Variants in SAMD12 observed in about 807,000 individuals in gnomAD.
The protein encoded by SAMD12 is sterile alpha motif domain-containing protein 12.
In SAMD12, 9 loss-of-function variants were observed where a neutral mutation model predicts 15.0. The ratio of observed to expected loss-of-function variants is 0.60; its 90% confidence interval spans 0.36 to 1.05. The LOEUF (loss-of-function observed/expected upper bound fraction) is 1.05. Ranked by LOEUF, SAMD12 falls within the 50% of genes least tolerant of loss-of-function variation. SAMD12 has a pLI of 0.01. For missense variants in SAMD12, 230 were observed against 234.2 expected (o/e 0.98, Z 0.12); for synonymous variants, 86 against 90.1 (o/e 0.96, Z 0.25).
At chr8:118,446,311 C>A (rs892448636) in intron 2 of SAMD12, among the ~76,000 whole-genome samples, 4 of 151,538 alleles carry the variant, frequency 2.6e-5, no homozygotes, top group African/African-American at 9.7e-5. Flanking sequence ...AATGCTGTGA[C>A]CACAGACTCC....
chr8:118,546,095 T>C (rs1826115914), intron 2 of SAMD12, among the ~76,000 whole-genome samples: 1 of 152,188 alleles, frequency 6.6e-6, no homozygotes, highest in Admixed American at 6.5e-5. Context: ...CCATCATTCC[T>C]GCCTTCACAC....
chr8:118,553,257 C>A (rs1282592246), intron 2 of SAMD12, among the ~76,000 whole-genome samples: 1 of 152,168 alleles, frequency 6.6e-6, no homozygotes, highest in African/African-American at 2.4e-5. Context: ...AAGCTGGAGG[C>A]ATCACGCTAC....
the SAMD12 span, among the ~76,000 whole-genome samples, chr8:118,150,179 G>A: frequency 6.6e-6 from 1 of 152,176 alleles, no homozygotes. Context: ...AGTTCCAAAT[G>A]TCAATAATGC....
intron 2 of SAMD12, among the ~76,000 whole-genome samples, chr8:118,547,128 T>C (rs1826153240): frequency 1.3e-5 from 2 of 152,264 alleles, no homozygotes; most frequent in South Asian, 4.1e-4. Flanking sequence ...ATCTAACCTG[T>C]GAATACTGAA....
rs181971212 is a variant in SAMD12, at chr8:118,425,343, A to G, written c.322+14489T>C. ...TGCTTTCCAAAAACATGCAAAACCA[A>G]AAAATAAACTGACAGAGTAATTAAC... On this transcript the variant is annotated intron_variant, in intron 3 of 3. Coordinates refer to ENST00000314727, the MANE Select transcript of SAMD12 (RefSeq NM_207506.3). Among the ~76,000 whole-genome samples the G allele has an allele frequency of 8.2e-4, 125 of 152,316 alleles. 1 individual carries two copies. The highest frequency in any genetic ancestry group is 1.4e-3 in the Non-Finnish European group (97 of 68,038).
At chr8:118,481,697 A>G (rs139245728) in intron 2 of SAMD12, among the ~76,000 whole-genome samples, 12 of 152,246 alleles carry the variant, frequency 7.9e-5, no homozygotes, top group Admixed American at 2.0e-4. Flanking sequence ...CCATCCTTCA[A>G]TGATCTTATA....
intron 4 of SAMD12, among the ~76,000 whole-genome samples, chr8:118,277,089 A>C (rs1292640669): frequency 6.6e-6 from 1 of 152,112 alleles, no homozygotes; most frequent in Admixed American, 6.6e-5. Context: ...ACAAACAAGC[A>C]GTCTGTGTTT....
intron 2 of SAMD12, among the ~76,000 whole-genome samples, chr8:118,474,434 G>A (rs1823896917): frequency 6.6e-6 from 1 of 151,850 alleles, no homozygotes; most frequent in Admixed American, 6.6e-5. Flanking sequence ...AGGCTGGAGT[G>A]CAATGGTGCG....
chr8:118,616,908 A>G (rs1338317489), intron 1 of SAMD12, among the ~76,000 whole-genome samples: 1 of 152,240 alleles, frequency 6.6e-6, no homozygotes, highest in Non-Finnish European at 1.5e-5. Flanking sequence ...TGAGAGATCT[A>G]GGTTGCACAT....
chr8:118,438,388 T>A (rs889448501), intron 3 of SAMD12, among the ~76,000 whole-genome samples: 14 of 149,566 alleles, frequency 9.4e-5, no homozygotes, highest in South Asian at 2.1e-4. Flanking sequence ...GCATTTTTTT[T>A]AAAACATTTA....
chr8:118,620,645 A>T (rs1333478626), intron 1 of SAMD12, among the ~76,000 whole-genome samples: 7 of 152,170 alleles, frequency 4.6e-5, no homozygotes, highest in Non-Finnish European at 1.0e-4. Flanking sequence ...TTGTTAAGAC[A>T]GTCGTTATAA....
At chr8:118,551,317 A>G (rs1359245485) in intron 2 of SAMD12, among the ~76,000 whole-genome samples, 1 of 152,328 alleles carries the variant, frequency 6.6e-6, no homozygotes, top group East Asian at 1.9e-4. Flanking sequence ...AGAAATTATA[A>G]CAAACTGTCT....
chr8:118,197,823 C>T (rs1819610437), intron 4 of SAMD12: 1 of 1,115,796 alleles, frequency 9.0e-7, no homozygotes, highest in Non-Finnish European at 1.4e-6. Context: ...CAAACAAACC[C>T]TAACACCCTT....
At chr8:118,609,245 T>G (rs1167328583) in intron 1 of SAMD12, among the ~76,000 whole-genome samples, 2 of 152,246 alleles carry the variant, frequency 1.3e-5, no homozygotes, top group African/African-American at 4.8e-5. Flanking sequence ...GAAGCACCTC[T>G]GGCCACCATG....
At chr8:118,377,541 T>A (rs1240289428), downstream of SAMD12, among the ~76,000 whole-genome samples, 1 of 152,154 alleles carries the variant, frequency 6.6e-6, no homozygotes, top group Non-Finnish European at 1.5e-5. Context: ...AATGTACAGC[T>A]TTTCAAAGCT....
At chr8:118,361,837 A>T (rs559883325) in intron 4 of SAMD12, among the ~76,000 whole-genome samples, 8 of 152,308 alleles carry the variant, frequency 5.3e-5, no homozygotes, top group Non-Finnish European at 1.0e-4. Context: ...TTGATGTAAG[A>T]GACATTTTTC....
chr8:118,580,588 A>G, intron 2 of SAMD12, 127 bp downstream of exon 2: 1 of 661,728 alleles, frequency 1.5e-6, no homozygotes, highest in East Asian at 2.6e-5. Flanking sequence ...CGCAAGATAC[A>G]GTGCTCATTT....
chr8:118,439,208 C>T (rs1822661868), intron 3 of SAMD12, among the ~76,000 whole-genome samples: 1 of 152,140 alleles, frequency 6.6e-6, no homozygotes, highest in African/African-American at 2.4e-5. Flanking sequence ...TAAATGGAAT[C>T]GTTATCTGTG....
intron 2 of SAMD12, among the ~76,000 whole-genome samples, chr8:118,500,238 C>G (rs1412631831): frequency 6.6e-6 from 1 of 151,696 alleles, no homozygotes; most frequent in Non-Finnish European, 1.5e-5. Context: ...GCCACTACAC[C>G]CAGCTCATTT....
Sources: allele counts gnomAD v4.1 joint callset (sites outside exome capture counted in the v4.1 genomes callset), GRCh38; gene constraint gnomAD v4.1.1; transcripts MANE v1.5; gene names NCBI Gene and HGNC (gene_info 2026-07-23, HGNC 2026-07-21).